CCDC192: variants seen among roughly 807,000 people sequenced by gnomAD.
CCDC192 encodes the protein coiled-coil domain-containing protein 192.
intron 6 of CCDC192, among the ~76,000 whole-genome samples, chr5:127,885,352 A>G (rs1332603045): frequency 6.6e-6 from 1 of 152,216 alleles, no homozygotes; most frequent in Non-Finnish European, 1.5e-5. Flanking sequence ...TATTTGCAGA[A>G]CAGTCTTGGG....
chr5:127,736,949 A>G (rs938737933), intron 2 of CCDC192, among the ~76,000 whole-genome samples: 5 of 150,414 alleles, frequency 3.3e-5, no homozygotes, highest in Non-Finnish European at 5.9e-5. Context: ...CTCAGATTTT[A>G]GTTATTTCTT....
chr5:127,928,244 A>G (rs1753919639), intron 6 of CCDC192, among the ~76,000 whole-genome samples: 1 of 152,172 alleles, frequency 6.6e-6, no homozygotes, highest in South Asian at 2.1e-4. Flanking sequence ...GTTCTTATAG[A>G]TGGAGGTCAA....
chr5:127,810,823 T>G (rs1326619589), intron 5 of CCDC192, among the ~76,000 whole-genome samples: 1 of 152,172 alleles, frequency 6.6e-6, no homozygotes, highest in African/African-American at 2.4e-5. Context: ...AAGTTCAGTT[T>G]CGGTCATTTG....
At chr5:127,876,670 A>C (rs951432815) in intron 6 of CCDC192, among the ~76,000 whole-genome samples, 2 of 152,134 alleles carry the variant, frequency 1.3e-5, no homozygotes, top group Non-Finnish European at 2.9e-5. Context: ...CATCGTTCTT[A>C]CTCTGGCTTT....
At chr5:127,749,860 G>A (rs957451444) in intron 2 of CCDC192, among the ~76,000 whole-genome samples, 1 of 152,152 alleles carries the variant, frequency 6.6e-6, no homozygotes, top group African/African-American at 2.4e-5. Context: ...ATATGTCAAG[G>A]AATTTATCCA....
chr5:127,716,066 A>G (rs932405557), intron 2 of CCDC192, among the ~76,000 whole-genome samples: 12 of 152,292 alleles, frequency 7.9e-5, no homozygotes, highest in African/African-American at 2.6e-4. Context: ...GATTCCTTCT[A>G]TACCAAATTT....
At chr5:127,869,800 A>C (rs1180066613) in intron 5 of CCDC192, among the ~76,000 whole-genome samples, 1 of 152,208 alleles carries the variant, frequency 6.6e-6, no homozygotes, top group East Asian at 1.9e-4. Context: ...ATAAATCCCA[A>C]ACCTTGGGTT....
intron 3 of CCDC192, among the ~76,000 whole-genome samples, chr5:127,782,840 C>A (rs372120873): frequency 2.0e-5 from 3 of 151,962 alleles, no homozygotes; most frequent in African/African-American, 4.8e-5. Context: ...TATTTCCTTT[C>A]TTCTGCTGGG....
chr5:127,745,293 G>A (rs1753674615), intron 2 of CCDC192, among the ~76,000 whole-genome samples: 1 of 152,148 alleles, frequency 6.6e-6, no homozygotes, highest in Non-Finnish European at 1.5e-5. Context: ...AGGATAATGA[G>A]AAGGTACTGG....
intron 3 of CCDC192, among the ~76,000 whole-genome samples, chr5:127,758,822 A>C (rs1404257412): frequency 6.6e-6 from 1 of 152,212 alleles, no homozygotes; most frequent in South Asian, 2.1e-4. Context: ...CAGTGAATAT[A>C]AGAGGACAAG....
At chr5:127,763,062 A>G (rs1430032343) in intron 3 of CCDC192, among the ~76,000 whole-genome samples, 3 of 150,204 alleles carry the variant, frequency 2.0e-5, no homozygotes, top group Non-Finnish European at 4.4e-5. Flanking sequence ...TGCTCCTTCT[A>G]TAGACTCTCC....
At chr5:127,782,895 A>T (rs1033327413) in intron 3 of CCDC192, among the ~76,000 whole-genome samples, 9 of 151,518 alleles carry the variant, frequency 5.9e-5, no homozygotes, top group Admixed American at 5.9e-4. Context: ...TTGAGGTGTG[A>T]CCATAGATTG....
chr5:127,704,670 TGGGA>T (rs1210309917), intron 1 of CCDC192, among the ~76,000 whole-genome samples: 1 of 152,090 alleles, frequency 6.6e-6, no homozygotes, highest in Admixed American at 6.6e-5. Context: ...AAATAATCTA[TGGGA>T]GGGAGTAAGG....
At chr5:127,814,778 G>A (rs563459831) in intron 5 of CCDC192, among the ~76,000 whole-genome samples, 1 of 152,302 alleles carries the variant, frequency 6.6e-6, no homozygotes, top group East Asian at 1.9e-4. Context: ...AGTCTGACAT[G>A]TTTGGAAATT....
chr5:127,918,999 G>A (rs567186767), intron 6 of CCDC192, among the ~76,000 whole-genome samples: 1 of 146,820 alleles, frequency 6.8e-6, no homozygotes, highest in Non-Finnish European at 1.6e-5. Context: ...GTTTGTATAT[G>A]TGTGTATGTA....
chr5:127,921,846 T>C (rs150429965), intron 6 of CCDC192, among the ~76,000 whole-genome samples: 2 of 152,162 alleles, frequency 1.3e-5, no homozygotes, highest in African/African-American at 4.8e-5. Context: ...CGAGAGTATA[T>C]CTTAGAATAT....
intron 5 of CCDC192, among the ~76,000 whole-genome samples, chr5:127,847,462 T>A (rs934051482): frequency 3.9e-5 from 6 of 152,192 alleles, no homozygotes; most frequent in Non-Finnish European, 7.3e-5. Context: ...CAATTTAATG[T>A]TTAAACCCAG....
At position 127,849,922 on chromosome 5, in the gene CCDC192, C is replaced by G. The variant is rs890257574; in HGVS notation, c.412-25616C>G. Among the ~76,000 whole-genome samples, 5 of 151,670 alleles carry G rather than the reference C, an allele frequency of 3.3e-5. No homozygotes were observed. In the East Asian group the frequency reaches 9.7e-4, roughly 29 times the overall value. The stretch of plus-strand genomic sequence containing the variant: ...ACAAGATCAATTGCATTTATTATAC[C>G]TACCAGACTTCTGTACTTACTCAGA... On this transcript the variant is annotated intron_variant, in intron 5 of 6. Coordinates refer to ENST00000514853, the MANE Select transcript of CCDC192 (RefSeq NM_001317938.2).
At chr5:127,921,130 G>T (rs942054404) in intron 6 of CCDC192, among the ~76,000 whole-genome samples, 1 of 149,006 alleles carries the variant, frequency 6.7e-6, no homozygotes, top group Non-Finnish European at 1.5e-5. Flanking sequence ...GAGAGGAAAG[G>T]ACAGGAGAAA....
Sources: allele counts gnomAD v4.1 joint callset (sites outside exome capture counted in the v4.1 genomes callset), GRCh38; gene constraint gnomAD v4.1.1; transcripts MANE v1.5; gene names NCBI Gene and HGNC (gene_info 2026-07-23, HGNC 2026-07-21).